PTPRH: variants seen among roughly 807,000 people sequenced by gnomAD.
The protein encoded by PTPRH is receptor-type tyrosine-protein phosphatase H.
PTPRH carries 113 observed loss-of-function variants against 130.2 expected under a neutral mutation model. The ratio of observed to expected loss-of-function variants is 0.87; its 90% CI spans 0.75 to 1.01. The LOEUF (loss-of-function observed/expected upper bound fraction) is 1.01, where lower values mean the gene tolerates loss of function less well. Ranked by LOEUF, PTPRH falls within the 50% of genes least tolerant of loss-of-function variation. PTPRH has a pLI of 0.00. For synonymous variants in PTPRH, 556 were observed against 577.9 expected, an observed-to-expected ratio of 0.96 and a Z score of 0.54; for missense variants, 1,430 against 1,425.0, an observed-to-expected ratio of 1.00 and a Z score of -0.06.
intron 7 of PTPRH, among the ~76,000 whole-genome samples, chr19:55,199,560 G>T (rs1403218641): frequency 6.6e-6 from 1 of 151,930 alleles, no homozygotes; most frequent in Non-Finnish European, 1.5e-5. Flanking sequence ...AGCTGAGATT[G>T]TGCTATTGCA....
chr19:55,200,141 G>A (rs924069169), intron 7 of PTPRH, 95 bp downstream of exon 7: 23 of 1,396,200 alleles, frequency 1.6e-5, no homozygotes, highest in African/African-American at 4.3e-5. Context: ...CAGAGCCTAC[G>A]GACTACAGAG....
rs201517965 is a variant in PTPRH, at chr19:55,205,347, C to A, written c.598G>T (p.Glu200Ter). 42 of 1,614,194 alleles carry A rather than the reference C, an allele frequency of 2.6e-5. No homozygotes were observed. Among genetic ancestry groups the A allele is most frequent in the Middle Eastern group, 3.3e-4 (2 of 6,062 alleles). ...VGKNGINSSR[E>*]TRNATTAHNP... The stretch of plus-strand genomic sequence containing the variant: ...TCACCTGTGGTGGCATTTCGAGTCT[C>A]CCGGGAGCTGTTGATTCCATTCTTT... The change falls in exon 4 of 20, where the codon GAG becomes TAG. Residue 200 changes from glutamate to a stop codon, truncating the protein, a stop_gained. Transcript: ENST00000376350. LOFTEE classifies it high-confidence loss of function.
At position 55,183,448 on chromosome 19, in the gene PTPRH, G is replaced by C. The variant is rs139812695; in HGVS notation, c.3063-1297C>G. Among the ~76,000 whole-genome samples the C allele has an allele frequency of 2.3e-3, 354 of 151,964 alleles. 3 individuals carry two copies. Among genetic ancestry groups the C allele is most frequent in the African/African-American group, 8.0e-3 (330 of 41,444 alleles). On this transcript the variant is annotated intron_variant, in intron 18 of 19. Coordinates refer to ENST00000376350, the MANE Select transcript of PTPRH (RefSeq NM_002842.5). ...AAATAAATTAGCTATTTTAAGCTGG[G>C]CGCACTGGCTCACGCCTGTAATCCC...
rs1425566577 is a variant in PTPRH at position 55,198,906 on chromosome 19, T to C, written c.1427A>G (p.Asn476Ser). 5.3e-6 allele frequency: 8 copies of C among 1,514,532 alleles called. No homozygotes were observed. The highest frequency in any genetic ancestry group is 1.4e-5 in the African/African-American group (1 of 71,966). The allele number at this position is 1,514,532 out of a possible 1,614,324, so 93.8% of individuals were successfully genotyped here. Residue 476 changes from asparagine to serine, a missense_variant, in exon 8 of 20, where the codon AAC becomes AGC. Transcript: ENST00000376350. ...RQNVSISTVP[N>S]AVTSLSKQDW... ...CTGCTTGCTGAGGCTTGTCACTGCGTTGGGGACTGGGAGAGGGAGCAGAGT... is the reference window on the plus strand; with the variant it reads ...CTGCTTGCTGAGGCTTGTCACTGCGCTGGGGACTGGGAGAGGGAGCAGAGT...
At chr19:55,189,566 C>T (rs2086463280) in intron 12 of PTPRH, among the ~76,000 whole-genome samples, 1 of 152,208 alleles carries the variant, frequency 6.6e-6, no homozygotes, top group Non-Finnish European at 1.5e-5. Flanking sequence ...ACGCGCCCAT[C>T]CCTGTCCTGG....
intron 10 of PTPRH, among the ~76,000 whole-genome samples, chr19:55,194,710 G>T (rs138165161): frequency 1.3e-5 from 2 of 152,258 alleles, no homozygotes; most frequent in African/African-American, 4.8e-5. Flanking sequence ...ACCCGGGGTG[G>T]GGGGTAGTTA....
intron 6 of PTPRH, 97 bp from the exon 7 acceptor site, chr19:55,200,599 T>C (rs942063083): frequency 3.9e-5 from 52 of 1,340,712 alleles, no homozygotes; most frequent in Non-Finnish European, 5.1e-5. Context: ...TTAGCTCTTG[T>C]TCAACTGCTG....
chr19:55,203,752 A>G (rs1177862410), intron 5 of PTPRH, 30 bp downstream of exon 5: 1 of 1,580,890 alleles, frequency 6.3e-7, no homozygotes, highest in Non-Finnish European at 8.6e-7. Flanking sequence ...TTATAAAAGA[A>G]ATAAAAATAA....
chr19:55,207,134 G>T, intron 2 of PTPRH, 32 bp downstream of exon 2: 1 of 1,612,104 alleles, frequency 6.2e-7, no homozygotes, highest in Non-Finnish European at 8.5e-7. Context: ...ACCTCTTCGA[G>T]TGGGCAGTGA....
Position 55,198,647 on chromosome 19 carries a change from G to A in PTPRH, c.1686C>T (p.Ala562=). The A allele has an allele frequency of 3.7e-6, 6 of 1,602,100 alleles. No individual in the cohort carries two copies. In the South Asian group the frequency reaches 5.6e-5, roughly 15 times the overall value. ...VRGYNSTLTA[A]TAPNEVTDLQ... ...TCAGAACCGACTGTGTCTCACCAGT[G>A]GCTGCAGTGAGGGTGCTGTTATAGC... Residue 562 remains alanine (A), a synonymous_variant, in exon 8 of 20, where the codon GCC becomes GCT. Coordinates refer to ENST00000376350, the MANE Select transcript of PTPRH (RefSeq NM_002842.5).
chr19:55,205,904 GA>G (rs1568928628), intron 3 of PTPRH, among the ~76,000 whole-genome samples: 1 of 152,174 alleles, frequency 6.6e-6, no homozygotes. Flanking sequence ...TATATTGAAT[GA>G]TCGTTTTTAT....
At position 55,186,327 on chromosome 19, in the gene PTPRH, G is replaced by A. The variant is rs143276596; in HGVS notation, c.2676C>T (p.Thr892=). Residue 892 remains threonine, a synonymous_variant, in exon 16 of 20, where the codon ACC becomes ACT. Coordinates refer to ENST00000376350, the MANE Select transcript of PTPRH (RefSeq NM_002842.5). ...GLWSPQEFIA[T]QGPLPQTVGD... ...CCACTGTCTGTGGCAGGGGACCCTGGGTTGCAATGAACTCCTGGGGGCTCC... is the reference window on the plus strand; with the variant it reads ...CCACTGTCTGTGGCAGGGGACCCTGAGTTGCAATGAACTCCTGGGGGCTCC... 6 of 1,614,084 alleles carry A rather than the reference G, an allele frequency of 3.7e-6. No homozygotes were observed. Among genetic ancestry groups the A allele is most frequent in the East Asian group, 2.2e-5 (1 of 44,880 alleles).
intron 7 of PTPRH, among the ~76,000 whole-genome samples, chr19:55,200,018 A>T (rs1167499280): frequency 3.3e-5 from 5 of 152,224 alleles, no homozygotes; most frequent in Non-Finnish European, 5.9e-5. Flanking sequence ...CTGTGTCCCC[A>T]CAGCCCCACA....
At chr19:55,197,020 G>A (rs2086703995) in intron 9 of PTPRH, 97 bp downstream of exon 9, 2 of 1,455,468 alleles carry the variant, frequency 1.4e-6, no homozygotes, top group African/African-American at 1.4e-5. Flanking sequence ...GTCATGGCCT[G>A]TGGCCTGATG....
chr19:55,203,969 G>A lies in PTPRH; in HGVS notation c.699C>T (p.Gly233=). Residue 233 remains glycine (G), a synonymous_variant, in exon 5 of 20, where the codon GGC becomes GGT. Coordinates refer to ENST00000376350, the MANE Select transcript of PTPRH (RefSeq NM_002842.5). ...AGTAGGTCGAGTTCTGTGGGTCTGT[G>A]CCATCGGGGACCTCCCAGCTCAGGG... The part of the protein sequence containing the change: ...SISLSWEVPD[G]TDPQNSTYCV... 1 of 1,614,170 alleles carries A rather than the reference G, an allele frequency of 6.2e-7. No individual in the cohort carries two copies. The highest frequency in any genetic ancestry group is 1.3e-5 in the African/African-American group (1 of 75,044).
intron 16 of PTPRH, 50 bp downstream of exon 16, chr19:55,186,175 T>C: frequency 1.3e-6 from 2 of 1,580,524 alleles, no homozygotes; most frequent in South Asian, 2.3e-5. Flanking sequence ...GGATGAGTGT[T>C]CGGGGCGGGG....
chr19:55,190,675 G>C (rs1214336365), intron 12 of PTPRH, among the ~76,000 whole-genome samples: 1 of 143,034 alleles, frequency 7.0e-6, no homozygotes, highest in African/African-American at 2.6e-5. Flanking sequence ...CTGTTGCCCA[G>C]GCTGGAGTGC....
chr19:55,183,347 T>G (rs979182173), intron 18 of PTPRH, among the ~76,000 whole-genome samples: 1 of 150,800 alleles, frequency 6.6e-6, no homozygotes, highest in Non-Finnish European at 1.5e-5. Flanking sequence ...GAGATTGCAG[T>G]GAGCCGAGAT....
rs2086420434 is a variant in PTPRH at position 55,188,169 on chromosome 19, C to A, written c.2385-1G>T. 1.2e-6 allele frequency: 2 copies of A among 1,613,326 alleles called. No individual in the cohort carries two copies. The highest frequency in any genetic ancestry group is 1.7e-6 in the Non-Finnish European group (2 of 1,179,368). ...TTCAGCTGGGATGTCCCCTGGGGAGCTACGGGTTTTGGGGGAGCAGGGAGA... is the reference window on the plus strand; with the variant it reads ...TTCAGCTGGGATGTCCCCTGGGGAGATACGGGTTTTGGGGGAGCAGGGAGA... On this transcript the variant is annotated splice_acceptor_variant, in intron 12 of 19. Coordinates refer to ENST00000376350, the MANE Select transcript of PTPRH (RefSeq NM_002842.5). LOFTEE classifies it high-confidence loss of function.
Sources: allele counts gnomAD v4.1 joint callset (sites outside exome capture counted in the v4.1 genomes callset), GRCh38; gene constraint gnomAD v4.1.1; transcripts MANE v1.5; gene names NCBI Gene and HGNC (gene_info 2026-07-23, HGNC 2026-07-21).